ANTXR1: variants seen among roughly 807,000 people sequenced by gnomAD.
ANTXR1 encodes ANTXR cell adhesion molecule 1.
A neutral mutation model predicts 78.1 loss-of-function variants in ANTXR1; 19 were observed. The observed-to-expected ratio is 0.24, with a 90% CI of 0.17 to 0.36. The LOEUF (loss-of-function observed/expected upper bound fraction) is 0.36, where lower values mean the gene tolerates loss of function less well. ANTXR1 is among the 10% of genes least tolerant of loss of function. ANTXR1 has a pLI of 1.00. For missense variants in ANTXR1, 518 were observed against 718.6 expected (o/e 0.72, Z 3.19); for synonymous variants, 273 against 260.5 (o/e 1.05, Z -0.46).
intron 17 of ANTXR1, among the ~76,000 whole-genome samples, chr2:69,240,892 C>A (rs73937217): frequency 6.6e-6 from 1 of 152,062 alleles, no homozygotes; most frequent in Non-Finnish European, 1.5e-5. Flanking sequence ...TGTACCTGGA[C>A]GTTTCAAATA....
At chr2:69,187,083 T>C (rs750344049) in intron 16 of ANTXR1, among the ~76,000 whole-genome samples, 2 of 152,198 alleles carry the variant, frequency 1.3e-5, no homozygotes, top group African/African-American at 2.4e-5. Flanking sequence ...TTAGACCCAT[T>C]GCTTTACATG....
At chr2:69,140,009 T>C (rs1443716679) in intron 12 of ANTXR1, among the ~76,000 whole-genome samples, 1 of 152,242 alleles carries the variant, frequency 6.6e-6, no homozygotes, top group Non-Finnish European at 1.5e-5. Flanking sequence ...GTCTGGATTA[T>C]TCTCTGAAAA....
intron 12 of ANTXR1, among the ~76,000 whole-genome samples, chr2:69,139,755 T>C (rs1673019868): frequency 6.6e-6 from 1 of 152,176 alleles, no homozygotes; most frequent in Non-Finnish European, 1.5e-5. Flanking sequence ...GTAACGGTGA[T>C]GCCAACTAAT....
intron 17 of ANTXR1, among the ~76,000 whole-genome samples, chr2:69,230,124 T>G (rs202132944): frequency 6.6e-6 from 1 of 151,514 alleles, no homozygotes; most frequent in African/African-American, 2.4e-5. Context: ...TGACAGCACT[T>G]TGGCCACCTG....
At chr2:69,069,291 T>G (rs1380815152) in intron 3 of ANTXR1, among the ~76,000 whole-genome samples, 4 of 152,196 alleles carry the variant, frequency 2.6e-5, no homozygotes, top group African/African-American at 7.2e-5. Context: ...GCCTCTGGGA[T>G]TAAATCCCAC....
At chr2:69,200,176 C>T (rs1019028438) in intron 17 of ANTXR1, among the ~76,000 whole-genome samples, 1 of 152,122 alleles carries the variant, frequency 6.6e-6, no homozygotes, top group Non-Finnish European at 1.5e-5. Context: ...ATCAGGAGGC[C>T]GGTACATTCC....
intron 1 of ANTXR1, among the ~76,000 whole-genome samples, chr2:69,039,557 T>C (rs1669551559): frequency 6.6e-6 from 1 of 152,226 alleles, no homozygotes; most frequent in Non-Finnish European, 1.5e-5. Context: ...TCCTGCTGTG[T>C]TCATTTCATT....
chr2:69,067,700 C>G (rs573517953), intron 3 of ANTXR1, among the ~76,000 whole-genome samples: 2 of 152,228 alleles, frequency 1.3e-5, no homozygotes, highest in African/African-American at 4.8e-5. Context: ...GTTTTCCTAT[C>G]CCAGCCTCCC....
intron 9 of ANTXR1, among the ~76,000 whole-genome samples, chr2:69,096,702 G>A (rs531915682): frequency 3.9e-5 from 6 of 152,004 alleles, no homozygotes; most frequent in African/African-American, 9.7e-5. Context: ...TTAGAAAATC[G>A]GATTTCACCT....
At chr2:69,035,643 A>G (rs1462386754) in intron 1 of ANTXR1, among the ~76,000 whole-genome samples, 1 of 152,194 alleles carries the variant, frequency 6.6e-6, no homozygotes, top group East Asian at 1.9e-4. Context: ...CAAAGGGTGT[A>G]TATTTTGGTC....
At chr2:69,170,154 T>A in intron 13 of ANTXR1, 94 bp from the exon 14 acceptor site, 2 of 1,392,662 alleles carry the variant, frequency 1.4e-6, no homozygotes, top group Non-Finnish European at 2.0e-6. Context: ...ATGGTAATTA[T>A]GGCAGCACCA....
At chr2:69,129,647 A>G (rs940676890) in intron 12 of ANTXR1, among the ~76,000 whole-genome samples, 10 of 151,998 alleles carry the variant, frequency 6.6e-5, no homozygotes, top group Non-Finnish European at 1.3e-4. Flanking sequence ...GCTACTCAGG[A>G]GGCTGAGGCA....
At chr2:69,105,203 A>G (rs1252933882) in intron 10 of ANTXR1, among the ~76,000 whole-genome samples, 1 of 152,218 alleles carries the variant, frequency 6.6e-6, no homozygotes, top group Admixed American at 6.5e-5. Context: ...AAACCAGTCC[A>G]TCCCTCTCTC....
At chr2:69,144,523 G>A (rs1673166209) in intron 12 of ANTXR1, among the ~76,000 whole-genome samples, 1 of 152,154 alleles carries the variant, frequency 6.6e-6, no homozygotes, top group East Asian at 1.9e-4. Flanking sequence ...CGGGCCTCTG[G>A]GGAGCCTCAC....
chr2:69,105,709 A>G (rs2086320556), intron 10 of ANTXR1, among the ~76,000 whole-genome samples: 1 of 152,166 alleles, frequency 6.6e-6, no homozygotes, highest in South Asian at 2.1e-4. Flanking sequence ...AAGTTTTAAA[A>G]TGTTATCTGT....
At chr2:69,191,993 C>A (rs192699194) in intron 16 of ANTXR1, among the ~76,000 whole-genome samples, 1 of 152,302 alleles carries the variant, frequency 6.6e-6, no homozygotes. Flanking sequence ...TAGTTACATT[C>A]ATTCCTCCAA....
intron 17 of ANTXR1, among the ~76,000 whole-genome samples, chr2:69,206,149 C>T (rs1300757086): frequency 6.6e-6 from 1 of 152,148 alleles, no homozygotes; most frequent in African/African-American, 2.4e-5. Flanking sequence ...TCTGTGTTTG[C>T]CCCCAGCGTC....
intron 12 of ANTXR1, among the ~76,000 whole-genome samples, chr2:69,138,139 G>A (rs146238496): frequency 2.0e-4 from 31 of 151,990 alleles, no homozygotes; most frequent in African/African-American, 6.5e-4. Context: ...ATTGGTAGAG[G>A]GGGGAAGGAG....
intron 1 of ANTXR1, among the ~76,000 whole-genome samples, chr2:69,017,754 G>T (rs1030449667): frequency 6.6e-6 from 1 of 152,070 alleles, no homozygotes; most frequent in Non-Finnish European, 1.5e-5. Context: ...GAATTCAGTC[G>T]GGGATTTGAA....
Sources: gnomAD v4.1 joint callset for allele counts (sites outside exome capture counted in the v4.1 genomes callset) on GRCh38, gnomAD v4.1.1 for gene constraint, MANE v1.5 for transcripts, NCBI Gene and HGNC (gene_info 2026-07-23, HGNC 2026-07-21) for gene names.